Variants in DDHD2 observed in about 807,000 individuals in gnomAD.
DDHD2 encodes DDHD domain containing 2.
A neutral mutation model predicts 91.2 loss-of-function variants in DDHD2; 62 were observed. The ratio of observed to expected loss-of-function variants is 0.68; its 90% CI spans 0.55 to 0.84. DDHD2 has a LOEUF of 0.84. DDHD2 is among the 40% of genes least tolerant of loss of function. The pLI, the probability that DDHD2 is intolerant of heterozygous loss-of-function variation, is 0.00. For missense variants in DDHD2, 740 were observed against 846.9 expected (o/e 0.87, Z 1.57); for synonymous variants, 271 against 293.9 (o/e 0.92, Z 0.80).
At chr8:38,237,673 T>G in intron 4 of DDHD2, 46 bp downstream of exon 4, 6 of 1,059,494 alleles carry the variant, frequency 5.7e-6, no homozygotes, top group Non-Finnish European at 8.3e-6. Context: ...TTAATTGCGC[T>G]ATTAGGGAGA....
rs750032971 is a variant in DDHD2 at position 38,240,359 on chromosome 8, A to C, written c.707A>C (p.Gln236Pro). The C allele has an allele frequency of 3.4e-5, 54 of 1,602,598 alleles. 1 individual carries two copies. The South Asian group carries it at 4.3e-4, about 13-fold the overall frequency. Residue 236 changes from glutamine (Q) to proline (P), a missense_variant, in exon 6 of 18, where the codon CAG becomes CCG. Around this residue, in one of 2 missense-constraint regions of DDHD2, gnomAD observed 693 missense variants for 764.2 expected, o/e 0.91. Transcript: ENST00000397166. ...ACDLRFRSIV[Q>P]CVNDFRSVSL... The stretch of plus-strand genomic sequence containing the variant: ...GATCTCCGCTTTCGAAGCATTGTAC[A>C]GTGTGGTAGGTTTGCAAAGCATGTG...
intron 5 of DDHD2, chr8:38,238,933 A>ATG (rs35242983): frequency 0.19 from 29,607 of 151,836 alleles, 3,032 homozygotes; most frequent in East Asian, 0.3. Context: ...AGAAAAATAA[A>ATG]TGTGTGTGTG....
intron 4 of DDHD2, 122 bp from the exon 5 acceptor site, chr8:38,237,967 C>A: frequency 9.9e-7 from 1 of 1,008,466 alleles, no homozygotes; most frequent in South Asian, 1.9e-5. Context: ...AGTTGTATAT[C>A]AAAACTCCAG....
At chr8:38,253,426 A>G in intron 15 of DDHD2, 130 bp from the exon 16 acceptor site, 1 of 834,040 alleles carries the variant, frequency 1.2e-6, no homozygotes, top group South Asian at 1.8e-5. Flanking sequence ...GAGAGGAGGA[A>G]GATGGGAGAG....
At chr8:38,249,848 T>G in intron 11 of DDHD2, 45 bp downstream of exon 11, 1 of 1,326,336 alleles carries the variant, frequency 7.5e-7, no homozygotes, top group Non-Finnish European at 1.1e-6. Flanking sequence ...TTCTTTGATG[T>G]CCATAGTGTG....
At chr8:38,238,370 A>C in intron 5 of DDHD2, 161 bp downstream of exon 5, 1 of 1,416,512 alleles carries the variant, frequency 7.1e-7, no homozygotes, top group Non-Finnish European at 9.2e-7. Flanking sequence ...GTCTACTAAG[A>C]ATCTTAATAG....
chr8:38,252,267 T>G lies in DDHD2; in HGVS notation c.1597T>G (p.Phe533Val). Reference sequence around the variant, plus strand: ...CTACAGATTTCCAACGTGCAAAGGTTTCTTCAATATTTATCACCCTGTAAG... The same window carrying G: ...CTACAGATTTCCAACGTGCAAAGGTGTCTTCAATATTTATCACCCTGTAAG... ...PNYRFPTCKG[F>V]FNIYHPFDPV... Residue 533 changes from phenylalanine to valine, a missense_variant, in exon 13 of 18, where the codon TTC becomes GTC. Transcript: ENST00000397166. The G allele has an allele frequency of 6.2e-7, 1 of 1,613,468 alleles. No homozygotes were observed. Among genetic ancestry groups the G allele is most frequent in the Non-Finnish European group, 8.5e-7 (1 of 1,179,790 alleles).
downstream of DDHD2, chr8:38,265,073 C>A: frequency 1.4e-6 from 1 of 711,450 alleles, no homozygotes. Flanking sequence ...TTGAGACCAG[C>A]CTGACCAACA....
At chr8:38,246,638 T>TC in intron 9 of DDHD2, among the ~76,000 whole-genome samples, 1 of 152,330 alleles carries the variant, frequency 6.6e-6, no homozygotes, top group Non-Finnish European at 1.5e-5. Context: ...GGTCAGGAGT[T>TC]CAAGACCAGC....
intron 1 of DDHD2, chr8:38,268,714 C>T: frequency 7.0e-7 from 1 of 1,433,484 alleles, no homozygotes; most frequent in Non-Finnish European, 9.1e-7. Flanking sequence ...ACACCCTCCT[C>T]TCTCAATCAG....
At chr8:38,235,746 A>G (rs1343330905) in intron 3 of DDHD2, among the ~76,000 whole-genome samples, 1 of 150,104 alleles carries the variant, frequency 6.7e-6, no homozygotes, top group Non-Finnish European at 1.5e-5. Context: ...ACTGGTGGGC[A>G]CAGTGGCTCT....
chr8:38,268,034 A>C lies in DDHD2; in HGVS notation n.88-3088A>C, dbSNP rs149687324. On this transcript the variant is annotated intron_variant and non_coding_transcript_variant, in intron 1 of 1. Coordinates refer to the DDHD2 transcript ENST00000526071. ...ATGGTCATGGCCTCGTTATGAGAGCAGCCGTGCTGTTTCTGAGATGGATAG... is the reference window on the plus strand; with the variant it reads ...ATGGTCATGGCCTCGTTATGAGAGCCGCCGTGCTGTTTCTGAGATGGATAG... 1.2e-5 allele frequency: 19 copies of C among 1,607,456 alleles called. No individual in the cohort carries two copies. The African/African-American group carries it at 2.0e-4, about 17-fold the overall frequency.
At chr8:38,269,078 C>T (rs760112456) in intron 1 of DDHD2, 1 of 1,528,072 alleles carries the variant, frequency 6.5e-7, no homozygotes, top group Admixed American at 2.0e-5. Flanking sequence ...TGCCGCCCGC[C>T]TGCCTGGGAA....
At chr8:38,266,396 G>A (rs563236445), downstream of DDHD2, 7 of 1,233,946 alleles carry the variant, frequency 5.7e-6, no homozygotes, top group African/African-American at 1.1e-4. Flanking sequence ...GGAAGCATGA[G>A]TATGTTTTTA....
intron 7 of DDHD2, among the ~76,000 whole-genome samples, chr8:38,242,934 A>G (rs940610347): frequency 3.9e-5 from 6 of 152,198 alleles, no homozygotes; most frequent in Non-Finnish European, 8.8e-5. Flanking sequence ...AATTGAGGAT[A>G]TCTAGCTATG....
At chr8:38,266,171 G>C (rs1188418930), downstream of DDHD2, 4 of 1,613,918 alleles carry the variant, frequency 2.5e-6, no homozygotes, top group African/African-American at 5.3e-5. Context: ...TCACATGTGC[G>C]GGACAGTGCA....
At chr8:38,232,923 G>A in intron 1 of DDHD2, 64 bp from the exon 2 acceptor site, 1 of 1,057,198 alleles carries the variant, frequency 9.5e-7, no homozygotes, top group Non-Finnish European at 1.4e-6. Flanking sequence ...AGTTTTGTGC[G>A]TGTGTGTGTG....
chr8:38,249,804 G>C lies in DDHD2; in HGVS notation c.1344+1G>C. Reference sequence around the variant, plus strand: ...TTTCAGCACCAGAAAAAACTCAATGGTATGTGCCTAATACAGCTTGTTGGA... The same window carrying C: ...TTTCAGCACCAGAAAAAACTCAATGCTATGTGCCTAATACAGCTTGTTGGA... On this transcript the variant is annotated splice_donor_variant, in intron 11 of 17. Transcript: ENST00000397166. LOFTEE classifies it high-confidence loss of function. 1 of 1,586,440 alleles carries C rather than the reference G, an allele frequency of 6.3e-7. No individual in the cohort carries two copies. Among genetic ancestry groups the C allele is most frequent in the Non-Finnish European group, 8.7e-7 (1 of 1,156,050 alleles).
downstream of DDHD2, chr8:38,271,762 T>G (rs1808490149): frequency 1.3e-5 from 2 of 152,206 alleles, no homozygotes; most frequent in Admixed American, 1.3e-4. Context: ...CCAATGTCCT[T>G]TTTCTCATAT....
Sources: gnomAD v4.1 joint callset for allele counts (sites outside exome capture counted in the v4.1 genomes callset) on GRCh38, gnomAD v4.1.1 for gene constraint, gnomAD v4.1.1 regional missense constraint, MANE v1.5 for transcripts, NCBI Gene and HGNC (gene_info 2026-07-23, HGNC 2026-07-21) for gene names.